Variants in LAMA2 observed in about 807,000 individuals in gnomAD.
LAMA2 encodes laminin subunit alpha 2.
A neutral mutation model predicts 364.8 loss-of-function variants in LAMA2; 269 were observed. The observed-to-expected ratio is 0.74, with a 90% CI of 0.67 to 0.82. The LOEUF (loss-of-function observed/expected upper bound fraction) is 0.82, where lower values mean the gene tolerates loss of function less well. Ranked by LOEUF, LAMA2 falls within the 40% of genes least tolerant of loss-of-function variation. The pLI is 0.00. For missense variants in LAMA2, 3,807 were observed against 3,873.2 expected (o/e 0.98, Z 0.45); for synonymous variants, 1,379 against 1,370.6 (o/e 1.01, Z -0.14).
rs139918375 is a variant in LAMA2, at chr6:129,346,617, A to C, written c.4437-2681A>C. On this transcript the variant is annotated intron_variant, in intron 30 of 64. Coordinates refer to ENST00000421865, the MANE Select transcript of LAMA2 (RefSeq NM_000426.4). ...TCTTTGAAGGTAAACATAATGTCTT[A>C]TTTCTTTCTTTATTCAAGAAAAAGT... Among the ~76,000 whole-genome samples, 1,095 of 152,230 alleles carry C rather than the reference A, an allele frequency of 7.2e-3. 7 individuals are homozygous for C. Among genetic ancestry groups the C allele is most frequent in the South Asian group, 0.013 (61 of 4,828 alleles).
At chr6:129,465,758 G>A (rs144569215) in intron 51 of LAMA2, among the ~76,000 whole-genome samples, 69 of 151,896 alleles carry the variant, frequency 4.5e-4, no homozygotes, top group African/African-American at 1.4e-3. Flanking sequence ...TTTATGATTC[G>A]GGGACATTTT....
chr6:129,453,791 A>ATAGCTTTTCAGG, intron 46 of LAMA2, among the ~76,000 whole-genome samples: 2 of 152,082 alleles, frequency 1.3e-5, no homozygotes, highest in African/African-American at 4.8e-5. Flanking sequence ...CCCCCTCAAA[A>ATAGCTTTTCAGG]ATGTCAGTGT....
chr6:129,343,976 C>T (rs896376641), intron 30 of LAMA2, among the ~76,000 whole-genome samples: 1 of 151,854 alleles, frequency 6.6e-6, no homozygotes, highest in African/African-American at 2.4e-5. Flanking sequence ...TGGAACATGG[C>T]GTTCAGACAC....
chr6:129,081,238 T>C (rs1032089071), intron 3 of LAMA2, among the ~76,000 whole-genome samples: 2 of 142,876 alleles, frequency 1.4e-5, no homozygotes, highest in Admixed American at 7.3e-5. Flanking sequence ...CACCGGGGCC[T>C]GTTGTGGGGT....
intron 1 of LAMA2, among the ~76,000 whole-genome samples, chr6:129,042,420 C>CT (rs1467810906): frequency 1.3e-5 from 2 of 152,006 alleles, no homozygotes; most frequent in Admixed American, 1.3e-4. Context: ...TCCATTTTAT[C>CT]TTTTAATATA....
chr6:129,294,901 A>T (rs551745897), intron 20 of LAMA2, among the ~76,000 whole-genome samples: 1 of 152,240 alleles, frequency 6.6e-6, no homozygotes, highest in Non-Finnish European at 1.5e-5. Context: ...TTCAAAAACA[A>T]ATGCATACAT....
intron 5 of LAMA2, among the ~76,000 whole-genome samples, chr6:129,146,545 A>G (rs549062441): frequency 6.6e-6 from 1 of 152,168 alleles, no homozygotes; most frequent in Non-Finnish European, 1.5e-5. Flanking sequence ...TCCATCAAGT[A>G]AAACAGTGTG....
At chr6:129,200,503 T>C (rs939041130) in intron 12 of LAMA2, among the ~76,000 whole-genome samples, 2 of 151,122 alleles carry the variant, frequency 1.3e-5, no homozygotes, top group Admixed American at 6.6e-5. Flanking sequence ...TACACATATA[T>C]ATGTGTGTGT....
At chr6:129,227,358 G>A (rs757805311) in intron 12 of LAMA2, among the ~76,000 whole-genome samples, 1 of 152,192 alleles carries the variant, frequency 6.6e-6, no homozygotes, top group Non-Finnish European at 1.5e-5. Flanking sequence ...ATCCAGCTTT[G>A]TTCCATTGCT....
chr6:128,925,475 A>G (rs1442156029), intron 1 of LAMA2, among the ~76,000 whole-genome samples: 1 of 152,198 alleles, frequency 6.6e-6, no homozygotes, highest in Non-Finnish European at 1.5e-5. Context: ...GACAGAAAGT[A>G]TAATGGTGAT....
At chr6:129,431,571 G>A (rs1781598364) in intron 41 of LAMA2, among the ~76,000 whole-genome samples, 1 of 152,050 alleles carries the variant, frequency 6.6e-6, no homozygotes, top group African/African-American at 2.4e-5. Flanking sequence ...GCAGGGGTTG[G>A]AGAGCATGGA....
chr6:129,513,989 T>C (rs1318537186), intron 63 of LAMA2, among the ~76,000 whole-genome samples: 1 of 152,216 alleles, frequency 6.6e-6, no homozygotes, highest in Admixed American at 6.5e-5. Context: ...AACAATATCT[T>C]TTAAGAAAAT....
chr6:128,886,310 C>A (rs1189618059), intron 1 of LAMA2, among the ~76,000 whole-genome samples: 1 of 151,788 alleles, frequency 6.6e-6, no homozygotes, highest in African/African-American at 2.4e-5. Flanking sequence ...AAAAAAAGTC[C>A]ATTTGTGCTC....
chr6:129,059,960 T>C, intron 3 of LAMA2, 64 bp downstream of exon 3: 1 of 895,494 alleles, frequency 1.1e-6, no homozygotes, highest in South Asian at 1.3e-5. Flanking sequence ...GCTATTTGTT[T>C]AGTTAGTGGT....
At position 129,137,809 on chromosome 6, in the gene LAMA2, T is replaced by C. The variant is rs916091178; in HGVS notation, c.640-6092T>C. On this transcript the variant is annotated intron_variant, in intron 4 of 64. Coordinates refer to ENST00000421865, the MANE Select transcript of LAMA2 (RefSeq NM_000426.4). ...GATAATATAGTATGTACTGAAATCATTATGCTAAACACTGAGGGTTTACAA... is the reference window on the plus strand; with the variant it reads ...GATAATATAGTATGTACTGAAATCACTATGCTAAACACTGAGGGTTTACAA... Among the ~76,000 whole-genome samples, 4 of 152,208 alleles carry C rather than the reference T, an allele frequency of 2.6e-5. No homozygotes were observed. In the Middle Eastern group the frequency reaches 0.01, roughly 388 times the overall value.
At chr6:129,158,730 T>A in intron 8 of LAMA2, 1 of 1,614,170 alleles carries the variant, frequency 6.2e-7, no homozygotes, top group Non-Finnish European at 8.5e-7. Context: ...AAATACTGGT[T>A]ACATAAATTG....
At chr6:129,080,504 G>A (rs545408894) in intron 3 of LAMA2, among the ~76,000 whole-genome samples, 74 of 152,204 alleles carry the variant, frequency 4.9e-4, no homozygotes, top group Middle Eastern at 3.4e-3. Flanking sequence ...GAAATGCTGG[G>A]TTGATTATTG....
intron 1 of LAMA2, among the ~76,000 whole-genome samples, chr6:128,931,652 C>T (rs115211786): frequency 1.7e-3 from 266 of 152,260 alleles, no homozygotes; most frequent in African/African-American, 6.1e-3. Context: ...CTTGTGGGAT[C>T]AGGCAAGAAC....
intron 1 of LAMA2, among the ~76,000 whole-genome samples, chr6:129,005,594 C>A (rs1784401901): frequency 6.6e-6 from 1 of 151,600 alleles, no homozygotes; most frequent in South Asian, 2.1e-4. Flanking sequence ...ATGCTTAACA[C>A]ATAAAAATTA....
Sources: gnomAD v4.1 joint callset for allele counts (sites outside exome capture counted in the v4.1 genomes callset) on GRCh38, gnomAD v4.1.1 for gene constraint, MANE v1.5 for transcripts, NCBI Gene and HGNC (gene_info 2026-07-23, HGNC 2026-07-21) for gene names.